Variants in ELAVL2 observed in about 807,000 individuals in gnomAD.
ELAVL2 encodes ELAV like RNA binding protein 2.
In ELAVL2, 4 loss-of-function variants were observed where a neutral mutation model predicts 34.6. The ratio of observed to expected loss-of-function variants is 0.12; its 90% CI spans 0.06 to 0.26. The LOEUF is 0.26. Ranked by LOEUF, ELAVL2 falls within the 10% of genes least tolerant of loss-of-function variation. The pLI, the probability that ELAVL2 is intolerant of heterozygous loss-of-function variation, is 1.00. For synonymous variants in ELAVL2, 193 were observed against 154.8 expected, an observed-to-expected ratio of 1.25 and a Z score of -1.83; for missense variants, 432 against 442.8, an observed-to-expected ratio of 0.98 and a Z score of 0.22.
At chr9:23,716,279 C>A (rs905489738) in intron 3 of ELAVL2, among the ~76,000 whole-genome samples, 2 of 151,908 alleles carry the variant, frequency 1.3e-5, no homozygotes, top group African/African-American at 4.8e-5. Flanking sequence ...CAAACCTGCA[C>A]GTTGTGCACA....
chr9:23,720,613 T>A (rs1164939375), intron 3 of ELAVL2, among the ~76,000 whole-genome samples: 1 of 152,220 alleles, frequency 6.6e-6, no homozygotes, highest in Non-Finnish European at 1.5e-5. Context: ...GCAAATTGTG[T>A]GTGAGAACGT....
intron 1 of ELAVL2, among the ~76,000 whole-genome samples, chr9:23,813,607 G>A (rs2063314797): frequency 6.6e-6 from 1 of 152,090 alleles, no homozygotes; most frequent in Non-Finnish European, 1.5e-5. Context: ...CTGGCAGGGA[G>A]AAATCCCTAC....
At chr9:23,850,260 C>T in the ELAVL2 span, among the ~76,000 whole-genome samples, 5 of 150,274 alleles carry the variant, frequency 3.3e-5, no homozygotes, top group Non-Finnish European at 7.4e-5. Flanking sequence ...AGCACCCCCG[C>T]GATTACCCGA....
chr9:23,695,440 G>C (rs1273732487), intron 5 of ELAVL2, among the ~76,000 whole-genome samples: 2 of 152,094 alleles, frequency 1.3e-5, no homozygotes, highest in South Asian at 4.1e-4. Context: ...CCCAGAGACA[G>C]ATGAGTTTTC....
At chr9:23,815,069 A>G (rs1230496606) in intron 1 of ELAVL2, among the ~76,000 whole-genome samples, 1 of 152,198 alleles carries the variant, frequency 6.6e-6, no homozygotes, top group Non-Finnish European at 1.5e-5. Flanking sequence ...GGGGAAAAAA[A>G]TGTATTTCTA....
intron 3 of ELAVL2, among the ~76,000 whole-genome samples, chr9:23,708,804 C>CT (rs1041147459): frequency 2.6e-5 from 4 of 151,778 alleles, no homozygotes; most frequent in Admixed American, 6.6e-5. Context: ...ACCACACTGG[C>CT]TTTTTTTGTA....
chr9:23,836,712 T>C, the ELAVL2 span, among the ~76,000 whole-genome samples: 1 of 151,418 alleles, frequency 6.6e-6, no homozygotes, highest in Non-Finnish European at 1.5e-5. Flanking sequence ...TAAAAGGAGG[T>C]TGAGAGGTGA....
intron 3 of ELAVL2, among the ~76,000 whole-genome samples, chr9:23,728,631 T>C (rs1472364015): frequency 6.6e-6 from 1 of 152,038 alleles, no homozygotes; most frequent in East Asian, 1.9e-4. Context: ...AAAAGACTTA[T>C]TTATGGAATA....
rs755962046 is a variant in ELAVL2 at position 23,704,905 on chromosome 9, G to A, written c.487+13C>T. The A allele has an allele frequency of 4.0e-5, 65 of 1,613,706 alleles. No individual in the cohort carries two copies. The East Asian group carries it at 1.2e-3, about 30-fold the overall frequency. ...AGACAGGGAAAGACTGTCCGGAGTG[G>A]CTGTCTACTTACCAGTGACCTGGTC... On this transcript the variant is annotated intron_variant, in intron 4 of 6. Transcript: ENST00000397312.
intron 2 of ELAVL2, among the ~76,000 whole-genome samples, chr9:23,756,634 G>A (rs1179134740): frequency 2.0e-5 from 3 of 152,096 alleles, no homozygotes; most frequent in Non-Finnish European, 2.9e-5. Flanking sequence ...GCCTAGTGAC[G>A]TAAACTCAAC....
intron 3 of ELAVL2, among the ~76,000 whole-genome samples, chr9:23,724,346 A>T (rs1416232284): frequency 1.3e-5 from 2 of 152,140 alleles, no homozygotes; most frequent in Admixed American, 6.5e-5. Context: ...AATCCATTGG[A>T]AGAATGCCTA....
At chr9:23,813,775 A>C (rs773338371) in intron 1 of ELAVL2, among the ~76,000 whole-genome samples, 7 of 152,322 alleles carry the variant, frequency 4.6e-5, no homozygotes, top group Non-Finnish European at 1.0e-4. Flanking sequence ...AGGAGACTAT[A>C]AGATCTAAAT....
At chr9:23,764,643 A>G (rs979572365) in intron 1 of ELAVL2, among the ~76,000 whole-genome samples, 1 of 152,176 alleles carries the variant, frequency 6.6e-6, no homozygotes, top group African/African-American at 2.4e-5. Context: ...AAATAACTTC[A>G]AAATTTAGTA....
At chr9:23,843,299 T>G in the ELAVL2 span, among the ~76,000 whole-genome samples, 28 of 151,962 alleles carry the variant, frequency 1.8e-4, no homozygotes, top group Non-Finnish European at 2.1e-4. Flanking sequence ...CACAGGGAAA[T>G]AAAAAATTGT....
chr9:23,693,114 T>A (rs1422904156), intron 6 of ELAVL2, among the ~76,000 whole-genome samples: 2 of 152,242 alleles, frequency 1.3e-5, no homozygotes, highest in Admixed American at 1.3e-4. Flanking sequence ...TTCACTGTAC[T>A]GAATATCATC....
At chr9:23,749,140 T>A (rs1185208681) in intron 2 of ELAVL2, among the ~76,000 whole-genome samples, 3 of 152,150 alleles carry the variant, frequency 2.0e-5, no homozygotes, top group Non-Finnish European at 4.4e-5. Flanking sequence ...AAATTTTATG[T>A]TATATTTTGC....
chr9:23,700,043 T>C (rs2036650847), intron 5 of ELAVL2, among the ~76,000 whole-genome samples: 1 of 151,988 alleles, frequency 6.6e-6, no homozygotes, highest in South Asian at 2.1e-4. Flanking sequence ...TTTAACTGAT[T>C]TTATCTCCAC....
chr9:23,756,602 A>G (rs1382410508), intron 2 of ELAVL2, among the ~76,000 whole-genome samples: 2 of 152,150 alleles, frequency 1.3e-5, no homozygotes, highest in Non-Finnish European at 2.9e-5. Context: ...TTTCAGCAAC[A>G]TATCAGATCA....
the ELAVL2 span, among the ~76,000 whole-genome samples, chr9:23,834,134 T>C: frequency 2.0e-5 from 3 of 152,156 alleles, no homozygotes; most frequent in East Asian, 1.9e-4. Flanking sequence ...TACGAAATGA[T>C]AGTAAATGGA....
Sources: gnomAD v4.1 joint callset for allele counts (sites outside exome capture counted in the v4.1 genomes callset) on GRCh38, gnomAD v4.1.1 for gene constraint, MANE v1.5 for transcripts, NCBI Gene and HGNC (gene_info 2026-07-23, HGNC 2026-07-21) for gene names.